The following ESCO2 variants were observed in gnomAD, a reference collection of about 807,000 sequenced individuals.
ESCO2 encodes N-acetyltransferase ESCO2.
A neutral mutation model predicts 61.7 loss-of-function variants in ESCO2; 51 were observed. That is an observed-to-expected ratio of 0.83 (90% CI 0.66 to 1.04). ESCO2 has a LOEUF of 1.04. ESCO2 is among the 50% of genes least tolerant of loss of function. The probability of loss-of-function intolerance (pLI) is 0.00; values close to 1 mark genes in which losing one functional copy is unlikely to be tolerated. For synonymous variants in ESCO2, 230 were observed against 238.2 expected (o/e 0.97, Z 0.32); for missense variants, 692 against 686.2 (o/e 1.01, Z -0.09).
chr8:27,803,347 T>G lies in ESCO2; in HGVS notation c.1715T>G (p.Ile572Arg). ...GGCTGTTTTCTCAGCACTGATGAAA[T>G]AGCATTTTCTGACCCAACACCAGAT... ...MFGCFLSTDE[I>R]AFSDPTPDGK... Residue 572 changes from isoleucine (I) to arginine (R), a missense_variant, in exon 11 of 11, where the codon ATA becomes AGA. Ile to Arg is a moderately conservative substitution (Grantham distance 97, BLOSUM62 -3). Coordinates refer to ENST00000305188, the MANE Select transcript of ESCO2 (RefSeq NM_001017420.3). The G allele has an allele frequency of 1.2e-6, 2 of 1,614,058 alleles. No homozygotes were observed. The highest frequency in any genetic ancestry group is 1.7e-6 in the Non-Finnish European group (2 of 1,179,994).
At chr8:27,783,717 A>G (rs1804974971) in intron 4 of ESCO2, among the ~76,000 whole-genome samples, 1 of 152,174 alleles carries the variant, frequency 6.6e-6, no homozygotes, top group African/African-American at 2.4e-5. Flanking sequence ...TTGGGATTAC[A>G]AGCATGAGCC....
upstream of ESCO2, among the ~76,000 whole-genome samples, chr8:27,772,854 C>T (rs747420538): frequency 1.3e-5 from 2 of 152,190 alleles, no homozygotes; most frequent in African/African-American, 2.4e-5. Context: ...GAGCAGCTAA[C>T]TCACAGGATA....
At chr8:27,800,008 G>GA (rs1274342177) in intron 10 of ESCO2, among the ~76,000 whole-genome samples, 3 of 151,544 alleles carry the variant, frequency 2.0e-5, no homozygotes, top group Non-Finnish European at 4.4e-5. Flanking sequence ...TGGATTGCTA[G>GA]AAAAAAATAG....
downstream of ESCO2, chr8:27,809,964 A>AAT (rs1287270935): frequency 4.2e-6 from 1 of 239,938 alleles, no homozygotes. Flanking sequence ...GATCCATTAA[A>AAT]ATATAGAATA....
downstream of ESCO2, among the ~76,000 whole-genome samples, chr8:27,808,517 TAA>T (rs59212659): frequency 3.5e-5 from 5 of 141,470 alleles, no homozygotes. Context: ...CTACAAAAAA[TAA>T]AAAAAAAAAA....
At chr8:27,801,733 A>G (rs1488070338) in intron 10 of ESCO2, among the ~76,000 whole-genome samples, 7 of 152,096 alleles carry the variant, frequency 4.6e-5, no homozygotes, top group Non-Finnish European at 8.8e-5. Context: ...TAAGTTCAAC[A>G]TTTACCTCAT....
intron 9 of ESCO2, among the ~76,000 whole-genome samples, chr8:27,797,116 A>G (rs193220930): frequency 1.4e-5 from 2 of 147,264 alleles, no homozygotes; most frequent in East Asian, 4.5e-4. Context: ...TCTCTTAAGA[A>G]AGAAAAAAAA....
intron 4 of ESCO2, among the ~76,000 whole-genome samples, chr8:27,781,588 T>A (rs1284884391): frequency 1.3e-5 from 2 of 148,964 alleles, no homozygotes; most frequent in African/African-American, 5.0e-5. Flanking sequence ...TGAGATGGAG[T>A]TTCACTGTGT....
Position 27,784,058 on chromosome 8 carries a change from G to A in ESCO2, c.1013+1G>A, listed in dbSNP as rs1225195349. 2.5e-6 allele frequency: 4 copies of A among 1,612,646 alleles called. No individual in the cohort carries two copies. The highest frequency in any genetic ancestry group is 3.4e-6 in the Non-Finnish European group (4 of 1,178,872). ...GTGCATCTTCAGTCAATTCAAAAAG[G>A]TGAGAATTGTTATTGTTTTAAAGTC... On this transcript the variant is annotated splice_donor_variant, in intron 5 of 10. Transcript: ENST00000305188. LOFTEE classifies it high-confidence loss of function.
chr8:27,810,028 T>C (rs1005828025), downstream of ESCO2: 2 of 371,600 alleles, frequency 5.4e-6, no homozygotes, highest in South Asian at 3.7e-5. Context: ...TGTTACAGTT[T>C]ACAGCGTTTT....
chr8:27,783,010 G>A (rs910915809), intron 4 of ESCO2, among the ~76,000 whole-genome samples: 8 of 151,922 alleles, frequency 5.3e-5, no homozygotes, highest in Admixed American at 3.9e-4. Flanking sequence ...GATGTACATT[G>A]GAGTTCATTC....
intron 9 of ESCO2, among the ~76,000 whole-genome samples, chr8:27,793,716 ACCT>A (rs1435119152): frequency 1.3e-5 from 2 of 151,164 alleles, no homozygotes; most frequent in Non-Finnish European, 2.9e-5. Context: ...TGAACTCCTG[ACCT>A]CCTGATCCAC....
At chr8:27,772,635 G>C (rs7842666), upstream of ESCO2, 1 of 1,297,282 alleles carries the variant, frequency 7.7e-7, no homozygotes. Flanking sequence ...CCTGGCCCCC[G>C]GAACTCCTCC....
chr8:27,816,703 T>C (rs968919391), downstream of ESCO2, among the ~76,000 whole-genome samples: 1 of 152,076 alleles, frequency 6.6e-6, no homozygotes, highest in South Asian at 2.1e-4. Flanking sequence ...TTGTGAAATG[T>C]TAATATATTA....
chr8:27,808,134 T>G (rs955273515), downstream of ESCO2: 5 of 694,250 alleles, frequency 7.2e-6, no homozygotes, highest in Admixed American at 4.7e-5. Context: ...TTATATATAG[T>G]TTTTATATGT....
downstream of ESCO2, among the ~76,000 whole-genome samples, chr8:27,816,980 A>G (rs1805830288): frequency 6.6e-6 from 1 of 152,062 alleles, no homozygotes; most frequent in Admixed American, 6.6e-5. Context: ...AAAAAGATTG[A>G]TATTTTTCCC....
chr8:27,811,142 A>G, downstream of ESCO2: 1 of 1,613,634 alleles, frequency 6.2e-7, no homozygotes. Context: ...TCACTGAAAC[A>G]AGCAAGATGG....
At chr8:27,799,151 C>CTT (rs10648035) in intron 9 of ESCO2, among the ~76,000 whole-genome samples, 150,260 of 152,292 alleles carry the variant, frequency 0.99, 74,165 homozygotes, top group Middle Eastern at 1. Flanking sequence ...GTTTAAGAAA[C>CTT]GAAATGCCAA....
In ESCO2 at chr8:27,777,357, G is replaced by A. The variant is rs1007795394; in HGVS notation, c.861+188G>A. The A allele has an allele frequency of 2.0e-5, 10 of 510,732 alleles. No homozygotes were observed. In the African/African-American group the frequency reaches 2.0e-4, roughly 10 times the overall value. The allele number at this position is 510,732 out of a possible 1,614,324, so 31.6% of individuals were successfully genotyped here. On this transcript the variant is annotated intron_variant, in intron 3 of 10. Coordinates refer to ENST00000305188, the MANE Select transcript of ESCO2 (RefSeq NM_001017420.3). ...GTCTTTCTTTATGACCCAGGCTGTA[G>A]TGCAGTGGCACACTGCTCACTACAG...
Sources: gnomAD v4.1 joint callset for allele counts (sites outside exome capture counted in the v4.1 genomes callset) on GRCh38, gnomAD v4.1.1 for gene constraint, MANE v1.5 for transcripts, NCBI Gene and HGNC (gene_info 2026-07-23, HGNC 2026-07-21) for gene names.